SLC35F2: variants seen among roughly 807,000 people sequenced by gnomAD.
SLC35F2 encodes solute carrier family 35 member F2.
Under a neutral mutation model 38.1 loss-of-function variants are expected in SLC35F2, and 25 were observed. That is an observed-to-expected ratio of 0.66 (90% CI 0.48 to 0.92). The LOEUF (loss-of-function observed/expected upper bound fraction) is 0.92. Ranked by LOEUF, SLC35F2 falls within the 40% of genes least tolerant of loss-of-function variation. The pLI is 0.00. For synonymous variants in SLC35F2, 173 were observed against 181.7 expected, an observed-to-expected ratio of 0.95 and a Z score of 0.38; for missense variants, 409 against 452.9, an observed-to-expected ratio of 0.90 and a Z score of 0.88.
intron 6 of SLC35F2, among the ~76,000 whole-genome samples, chr11:107,804,194 A>T (rs760229914): frequency 7.2e-5 from 11 of 152,044 alleles, no homozygotes; most frequent in Non-Finnish European, 1.6e-4. Context: ...ATCTTCCATG[A>T]CACCTATGTA....
At chr11:107,821,787 C>G (rs900951660) in intron 1 of SLC35F2, among the ~76,000 whole-genome samples, 4 of 152,194 alleles carry the variant, frequency 2.6e-5, no homozygotes, top group African/African-American at 7.2e-5. Flanking sequence ...CAAATTTCCC[C>G]AAGGCAGCTT....
chr11:107,846,763 C>G lies in SLC35F2; in HGVS notation c.110+11895G>C, dbSNP rs543763871. 6.2e-4 allele frequency among the ~76,000 whole-genome samples: 94 copies of G among 152,146 alleles called. 1 individual carries two copies. The South Asian group carries it at 0.019, about 31-fold the overall frequency. ...CCTGGCCAACACGGTCAAACCCTCTCTCTACAAAAATACAAAACTTAGCTG... is the reference window on the plus strand; with the variant it reads ...CCTGGCCAACACGGTCAAACCCTCTGTCTACAAAAATACAAAACTTAGCTG... On this transcript the variant is annotated intron_variant, in intron 1 of 7. Coordinates refer to ENST00000525815, the MANE Select transcript of SLC35F2 (RefSeq NM_017515.5).
At chr11:107,829,642 T>C (rs1859805531) in intron 1 of SLC35F2, among the ~76,000 whole-genome samples, 1 of 147,122 alleles carries the variant, frequency 6.8e-6, no homozygotes, top group African/African-American at 2.5e-5. Context: ...TTAAGACACC[T>C]CTTGATGGTA....
intron 3 of SLC35F2, among the ~76,000 whole-genome samples, chr11:107,808,673 G>A (rs150724151): frequency 1.4e-3 from 215 of 152,212 alleles, no homozygotes; most frequent in African/African-American, 4.8e-3. Flanking sequence ...GGAGTCCAAC[G>A]CATCATGTGT....
chr11:107,792,905 T>TTTTC lies in SLC35F2; in HGVS notation c.940-109_940-106dup, dbSNP rs148577551. The TTTTC allele has an allele frequency of 6.0e-4, 801 of 1,336,790 alleles. 1 individual carries two copies. The highest frequency in any genetic ancestry group is 6.4e-4 in the African/African-American group (42 of 65,242). The allele number at this position is 1,336,790 out of a possible 1,614,324, so 82.8% of individuals were successfully genotyped here. On this transcript the variant is annotated intron_variant, in intron 7 of 7. Coordinates refer to ENST00000525815, the MANE Select transcript of SLC35F2 (RefSeq NM_017515.5). Reference sequence around the variant, plus strand: ...GGATTACCCTCTCATAATCTTTTTATTTTCTTTCTTTCTTTCTTTCTTTCT... The same window carrying TTTTC: ...GGATTACCCTCTCATAATCTTTTTATTTTCTTTCTTTCTTTCTTTCTTTCTTTCT...
rs11371777 is a variant in SLC35F2, at chr11:107,792,161, C to CAAAAAAAAAA, written c.*444_*453dup. 3 of 78,104 alleles carry CAAAAAAAAAA rather than the reference C, an allele frequency of 3.8e-5. No homozygotes were observed. Among genetic ancestry groups the CAAAAAAAAAA allele is most frequent in the South Asian group, 5.0e-4 (1 of 1,998 alleles). The allele number at this position is 78,104 out of a possible 1,614,324, so 4.8% of individuals were successfully genotyped here. On this transcript the variant is annotated 3_prime_UTR_variant, in exon 8 of 8. Transcript: ENST00000525815. Reference sequence around the variant, plus strand: ...GGCCTGTGGACAATAACTGCCTCAGCAAAAAAAAAAAAAAAAAAAAACCTT... The same window carrying CAAAAAAAAAA: ...GGCCTGTGGACAATAACTGCCTCAGCAAAAAAAAAAAAAAAAAAAAAAAAAAAAAAACCTT...
intron 1 of SLC35F2, among the ~76,000 whole-genome samples, chr11:107,845,077 T>C (rs1320492840): frequency 3.3e-5 from 5 of 151,882 alleles, no homozygotes; most frequent in Admixed American, 1.3e-4. Context: ...TCAACAAATG[T>C]TATTATTATT....
At chr11:107,816,038 A>C in intron 1 of SLC35F2, 73 bp from the exon 2 acceptor site, 1 of 1,441,560 alleles carries the variant, frequency 6.9e-7, no homozygotes, top group Non-Finnish European at 9.2e-7. Context: ...ACACACACAC[A>C]CACACACACA....
intron 4 of SLC35F2, among the ~76,000 whole-genome samples, chr11:107,806,190 G>T (rs1352644778): frequency 3.3e-5 from 5 of 152,160 alleles, no homozygotes; most frequent in Admixed American, 6.5e-5. Context: ...AGAAACTGAT[G>T]ATATATATCA....
At chr11:107,835,175 A>C (rs1200118387) in intron 1 of SLC35F2, among the ~76,000 whole-genome samples, 1 of 152,238 alleles carries the variant, frequency 6.6e-6, no homozygotes, top group African/African-American at 2.4e-5. Context: ...GCAAACAGCC[A>C]CTTAAGGTAT....
At chr11:107,821,434 A>G (rs2134805379) in intron 1 of SLC35F2, 1 of 985,394 alleles carries the variant, frequency 1.0e-6, no homozygotes, top group Admixed American at 6.1e-5. Context: ...ATAGAGGAGT[A>G]GGAGAGCAAG....
chr11:107,791,346 A>C lies in SLC35F2; in HGVS notation c.*1269T>G, dbSNP rs1859127896. 1 of 152,214 alleles carries C rather than the reference A, an allele frequency of 6.6e-6. No homozygotes were observed. The allele number at this position is 152,214 out of a possible 1,614,324, so 9.4% of individuals were successfully genotyped here. A position where few individuals can be genotyped will look rare whatever the true frequency, so the allele number is the denominator to read the frequency against. Reference sequence around the variant, plus strand: ...TTCTTTGTTGTGATACTGTGCACTAAGACTTAGTTTCTTGAGCTGATGCTA... The same window carrying C: ...TTCTTTGTTGTGATACTGTGCACTACGACTTAGTTTCTTGAGCTGATGCTA... On this transcript the variant is annotated 3_prime_UTR_variant, in exon 8 of 8. Coordinates refer to ENST00000525815, the MANE Select transcript of SLC35F2 (RefSeq NM_017515.5).
chr11:107,857,348 G>A (rs189174392), intron 1 of SLC35F2, among the ~76,000 whole-genome samples: 1 of 145,404 alleles, frequency 6.9e-6, no homozygotes, highest in East Asian at 2.0e-4. Flanking sequence ...AGAGAGGGAA[G>A]GAAGGAAGGA....
At chr11:107,803,274 CT>C in intron 6 of SLC35F2, 119 bp from the exon 7 acceptor site, 1 of 1,312,730 alleles carries the variant, frequency 7.6e-7, no homozygotes, top group Non-Finnish European at 9.8e-7. Context: ...TACAAAGCCC[CT>C]TGTTAACAGT....
intron 7 of SLC35F2, 32 bp downstream of exon 7, chr11:107,802,969 T>C (rs374375907): frequency 6.4e-7 from 1 of 1,563,698 alleles, no homozygotes; most frequent in African/African-American, 1.4e-5. Flanking sequence ...TCCAAGCAAG[T>C]ATTCTTATTT....
chr11:107,807,378 G>A (rs758465452), intron 3 of SLC35F2, among the ~76,000 whole-genome samples: 46 of 151,660 alleles, frequency 3.0e-4, no homozygotes, highest in Non-Finnish European at 5.3e-4. Flanking sequence ...TGAGCCCGGA[G>A]TTCAAGGATG....
intron 1 of SLC35F2, among the ~76,000 whole-genome samples, chr11:107,845,885 A>T (rs10890767): frequency 6.6e-6 from 1 of 151,040 alleles, no homozygotes. Flanking sequence ...CCCAGGAGGC[A>T]GAGGTTGCAG....
intron 3 of SLC35F2, chr11:107,809,945 G>T (rs1859457046): frequency 1.0e-6 from 1 of 985,378 alleles, no homozygotes. Flanking sequence ...GCAGTAAAGT[G>T]GGAAGGGACA....
intron 4 of SLC35F2, 123 bp from the exon 5 acceptor site, chr11:107,805,638 C>T: frequency 6.9e-7 from 1 of 1,454,946 alleles, no homozygotes; most frequent in Non-Finnish European, 9.0e-7. Context: ...AAACTGGTTA[C>T]TAGAAGTTTA....
Sources: allele counts gnomAD v4.1 joint callset (sites outside exome capture counted in the v4.1 genomes callset), GRCh38; gene constraint gnomAD v4.1.1; transcripts MANE v1.5; gene names NCBI Gene and HGNC (gene_info 2026-07-23, HGNC 2026-07-21).